Variants in PRRC1 observed in about 807,000 individuals in gnomAD.
The protein encoded by PRRC1 is proline rich coiled-coil 1.
In PRRC1, 39 loss-of-function variants were observed where a neutral mutation model predicts 40.7. The ratio of observed to expected loss-of-function variants is 0.96; its 90% CI spans 0.74 to 1.25. PRRC1 has a LOEUF of 1.25. PRRC1 is among the 50% of genes most tolerant of loss of function. The probability of loss-of-function intolerance (pLI) is 0.00; values close to 1 mark genes in which losing one functional copy is unlikely to be tolerated. For synonymous variants in PRRC1, 175 were observed against 193.3 expected (o/e 0.91, Z 0.79); for missense variants, 573 against 548.3 (o/e 1.05, Z -0.45).
At chr5:127,534,849 T>C (rs1767855729) in intron 6 of PRRC1, among the ~76,000 whole-genome samples, 1 of 152,200 alleles carries the variant, frequency 6.6e-6, no homozygotes, top group African/African-American at 2.4e-5. Flanking sequence ...CTAAACTTCT[T>C]TCCTCCACAC....
rs1392272940 is a variant in PRRC1 at position 127,555,057 on chromosome 5, CATAA to C, written c.*3147_*3150del. 1.3e-5 allele frequency: 2 copies of C among 152,500 alleles called. No individual in the cohort carries two copies. The highest frequency in any genetic ancestry group is 2.9e-5 in the Non-Finnish European group (2 of 68,016). The allele number at this position is 152,500 out of a possible 1,614,324, so 9.4% of individuals were successfully genotyped here. A position where few individuals can be genotyped will look rare whatever the true frequency, so the allele number is the denominator to read the frequency against. On this transcript the variant is annotated 3_prime_UTR_variant, in exon 9 of 9. Coordinates refer to ENST00000296666, the MANE Select transcript of PRRC1 (RefSeq NM_130809.5). ...CAGTTTTGTAAATATGTAAATATGT[CATAA>C]ATAAACAATGCTTTGACTTATTTCC...
intron 1 of PRRC1, among the ~76,000 whole-genome samples, chr5:127,522,553 G>T (rs1201700874): frequency 6.6e-6 from 1 of 151,948 alleles, no homozygotes; most frequent in Non-Finnish European, 1.5e-5. Context: ...ACCCTGCCTG[G>T]CTAATTTTTT....
Position 127,524,559 on chromosome 5 carries a change from T to TA in PRRC1, c.132_133insA (p.Val45SerfsTer60). ...CAACCAGTTCTTTTTCTTCTCCAAA[T>TA]GTATCCTCCATGGAGTCCTTCCCAC... On this transcript the variant is annotated frameshift_variant, in exon 3 of 9. Coordinates refer to ENST00000296666, the MANE Select transcript of PRRC1 (RefSeq NM_130809.5). LOFTEE classifies it high-confidence loss of function. 6.2e-7 allele frequency: 1 copy of TA among 1,610,510 alleles called. No individual in the cohort carries two copies. The highest frequency in any genetic ancestry group is 8.5e-7 in the Non-Finnish European group (1 of 1,177,440).
chr5:127,536,877 CAG>C (rs919729403), intron 6 of PRRC1, among the ~76,000 whole-genome samples: 19 of 151,352 alleles, frequency 1.3e-4, no homozygotes, highest in Admixed American at 9.9e-4. Flanking sequence ...TATTTTTTTT[CAG>C]AAACAGTAGA....
Position 127,555,046 on chromosome 5 carries a change from T to C in PRRC1, c.*3130T>C, listed in dbSNP as rs982384728. The C allele has an allele frequency of 1.3e-5, 2 of 152,656 alleles. No individual in the cohort carries two copies. The highest frequency in any genetic ancestry group is 2.9e-5 in the Non-Finnish European group (2 of 68,028). 9.5% of individuals were successfully genotyped at this position (152,656 alleles called of 1,614,324 possible). On this transcript the variant is annotated 3_prime_UTR_variant, in exon 9 of 9. Coordinates refer to ENST00000296666, the MANE Select transcript of PRRC1 (RefSeq NM_130809.5). ...TTGAGTAAAATCAGTTTTGTAAATATGTAAATATGTCATAAATAAACAATG... is the reference window on the plus strand; with the variant it reads ...TTGAGTAAAATCAGTTTTGTAAATACGTAAATATGTCATAAATAAACAATG...
At chr5:127,523,186 A>G (rs889456545) in intron 1 of PRRC1, among the ~76,000 whole-genome samples, 5 of 152,200 alleles carry the variant, frequency 3.3e-5, no homozygotes, top group South Asian at 2.1e-4. Context: ...AATGTAGTAG[A>G]TAATTAGTTA....
At chr5:127,538,397 G>T (rs1168761873) in intron 6 of PRRC1, among the ~76,000 whole-genome samples, 4 of 151,972 alleles carry the variant, frequency 2.6e-5, no homozygotes, top group Admixed American at 6.6e-5. Context: ...TTTTATGAAA[G>T]GATTCAGATA....
At chr5:127,536,073 G>A (rs1561683833) in intron 6 of PRRC1, among the ~76,000 whole-genome samples, 1 of 152,066 alleles carries the variant, frequency 6.6e-6, no homozygotes, top group Non-Finnish European at 1.5e-5. Flanking sequence ...TAAATTACAT[G>A]TTTTCTGCCT....
At chr5:127,540,323 A>T (rs1023906775) in intron 7 of PRRC1, among the ~76,000 whole-genome samples, 1 of 152,138 alleles carries the variant, frequency 6.6e-6, no homozygotes, top group East Asian at 1.9e-4. Context: ...ACTTGTGATA[A>T]TACTAGTACT....
At chr5:127,548,313 C>T (rs563972241) in intron 8 of PRRC1, 183 of 367,480 alleles carry the variant, frequency 5.0e-4, no homozygotes, top group African/African-American at 3.7e-3. Context: ...ATTGATTGTC[C>T]TCCTGTTCAT....
intron 8 of PRRC1, chr5:127,551,359 C>G (rs1341613161): frequency 1.3e-5 from 3 of 227,588 alleles, no homozygotes; most frequent in African/African-American, 2.3e-5. Flanking sequence ...TTTCAGTTTT[C>G]CTCTTTCTGG....
chr5:127,523,532 A>C lies in PRRC1; in HGVS notation c.53A>C (p.Asn18Thr), dbSNP rs1767520963. 2.5e-6 allele frequency: 4 copies of C among 1,613,208 alleles called. No individual in the cohort carries two copies. The highest frequency in any genetic ancestry group is 3.4e-6 in the Non-Finnish European group (4 of 1,179,794). Residue 18 changes from asparagine to threonine, a missense_variant, in exon 2 of 9, where the codon AAT becomes ACT. Physicochemically the swap from Asn to Thr is moderately conservative, Grantham distance 65. Coordinates refer to ENST00000296666, the MANE Select transcript of PRRC1 (RefSeq NM_130809.5). ...ACACCACCTGGGACTCCTCCACCAA[A>C]TCCTGCAGGGCTGGCTGCTACTGCT... is the stretch of plus-strand genomic sequence containing the variant. ...ETTPPGTPPP[N>T]PAGLAATAMS... is the part of the protein sequence containing the mutation.
Position 127,539,926 on chromosome 5 carries a change from G to A in PRRC1, c.1025+783G>A, listed in dbSNP as rs146982654. On this transcript the variant is annotated intron_variant, in intron 7 of 8. Transcript: ENST00000296666. ...AGGAAATATATAAAATTTCAGTGGAGGTAACTCTGTGGAGATAGTGTCAGG... is the reference window on the plus strand; with the variant it reads ...AGGAAATATATAAAATTTCAGTGGAAGTAACTCTGTGGAGATAGTGTCAGG... Among the ~76,000 whole-genome samples, 339 of 151,880 alleles carry A rather than the reference G, an allele frequency of 2.2e-3. 11 individuals carry two copies. In the South Asian group the frequency reaches 0.042, roughly 19 times the overall value.
chr5:127,552,128 T>TATCA lies in PRRC1; in HGVS notation c.*213_*216dup, dbSNP rs1768408461. On this transcript the variant is annotated 3_prime_UTR_variant, in exon 9 of 9. Coordinates refer to ENST00000296666, the MANE Select transcript of PRRC1 (RefSeq NM_130809.5). ...CTTTTTATAGTCATACCATTTCACC[T>TATCA]ATCATAGTACTCAAAAAAGAAAATA... 7.3e-7 allele frequency: 1 copy of TATCA among 1,372,300 alleles called. No homozygotes were observed. The highest frequency in any genetic ancestry group is 9.4e-7 in the Non-Finnish European group (1 of 1,063,714). The allele number at this position is 1,372,300 out of a possible 1,614,324, so 85.0% of individuals were successfully genotyped here.
chr5:127,526,868 C>G lies in PRRC1; in HGVS notation c.654+90C>G. 2 of 1,138,146 alleles carry G rather than the reference C, an allele frequency of 1.8e-6. 1 individual carries two copies. The highest frequency in any genetic ancestry group is 4.4e-5 in the South Asian group (2 of 45,212). 70.5% of individuals were successfully genotyped at this position (1,138,146 alleles called of 1,614,324 possible). On this transcript the variant is annotated intron_variant, in intron 4 of 8. Coordinates refer to ENST00000296666, the MANE Select transcript of PRRC1 (RefSeq NM_130809.5). ...AAAATATTGAAAATACAGGATGGCA[C>G]AAGGAAAAATAAAATTCTTTTTTAT... is the stretch of plus-strand genomic sequence containing the variant.
rs146637545 is a variant in PRRC1 at position 127,553,590 on chromosome 5, GACA to G, written c.*1681_*1683del. Reference sequence around the variant, plus strand: ...TATTTTATCATGGCAATGGCATGATGACAACAACAGTCTTTCATTACAGACTGA... The same window carrying G: ...TATTTTATCATGGCAATGGCATGATGACAACAGTCTTTCATTACAGACTGA... On this transcript the variant is annotated 3_prime_UTR_variant, in exon 9 of 9. Coordinates refer to ENST00000296666, the MANE Select transcript of PRRC1 (RefSeq NM_130809.5). 1.4e-5 allele frequency: 18 copies of G among 1,312,624 alleles called. No homozygotes were observed. Among genetic ancestry groups the G allele is most frequent in the East Asian group, 3.4e-5 (1 of 29,020 alleles). The allele number at this position is 1,312,624 out of a possible 1,614,324, so 81.3% of individuals were successfully genotyped here.
At chr5:127,535,525 T>A (rs565568293) in intron 6 of PRRC1, among the ~76,000 whole-genome samples, 143 of 152,312 alleles carry the variant, frequency 9.4e-4, no homozygotes, top group African/African-American at 3.4e-3. Flanking sequence ...AAATTTCTCA[T>A]AGCTCTGTGC....
chr5:127,546,801 G>A (rs1475968458), intron 7 of PRRC1, among the ~76,000 whole-genome samples: 2 of 152,116 alleles, frequency 1.3e-5, no homozygotes, highest in Non-Finnish European at 2.9e-5. Flanking sequence ...CGACTTTATG[G>A]AGGCTTCACA....
intron 6 of PRRC1, among the ~76,000 whole-genome samples, chr5:127,537,255 G>T (rs975395437): frequency 6.6e-6 from 1 of 151,654 alleles, no homozygotes. Context: ...GTACAATATT[G>T]TTCTTCAGTT....
Sources: gnomAD v4.1 joint callset for allele counts (sites outside exome capture counted in the v4.1 genomes callset) on GRCh38, gnomAD v4.1.1 for gene constraint, MANE v1.5 for transcripts, NCBI Gene and HGNC (gene_info 2026-07-23, HGNC 2026-07-21) for gene names.